The following TOMM6 variants were observed in gnomAD, a reference collection of about 807,000 sequenced individuals.
TOMM6 encodes the protein translocase of outer mitochondrial membrane 6.
Under a neutral mutation model 6.0 loss-of-function variants are expected in TOMM6, and 6 were observed. That is an observed-to-expected ratio of 1.00 (90% CI 0.55 to 1.98). TOMM6 has a LOEUF of 1.98. TOMM6 is among the 30% of genes most tolerant of loss of function. The probability of loss-of-function intolerance (pLI) is 0.00; values close to 1 mark genes in which losing one functional copy is unlikely to be tolerated. For synonymous variants in TOMM6, 44 were observed against 36.3 expected (o/e 1.21, Z -0.76); for missense variants, 104 against 95.3 (o/e 1.09, Z -0.38).
chr6:41,788,135 A>G (rs534595534), intron 1 of TOMM6, among the ~76,000 whole-genome samples: 2 of 84,080 alleles, frequency 2.4e-5, no homozygotes, highest in African/African-American at 4.0e-5. Flanking sequence ...TTGATCTTAC[A>G]TTTCTTTTTT....
Position 41,787,721 on chromosome 6 carries a change from G to T in TOMM6, c.24G>T (p.Val8=). MASSTVP[V]SAAGSANETP... ...CTATGGCTTCCAGCACTGTCCCGGT[G>T]AGCGCTGCTGGCTCGGCTAATGAAA... Residue 8 remains valine, a synonymous_variant, in exon 1 of 3, where the codon GTG becomes GTT. Coordinates refer to ENST00000398881, the MANE Select transcript of TOMM6 (RefSeq NM_001382294.1). The T allele has an allele frequency of 6.4e-7, 1 of 1,551,722 alleles. No homozygotes were observed.
rs543182965 is a variant in TOMM6 at position 41,787,725 on chromosome 6, G to C, written c.28G>C (p.Ala10Pro). The change falls in exon 1 of 3, where the codon GCT (alanine) becomes CCT (proline). Residue 10 changes from alanine to proline, a missense_variant. Transcript: ENST00000398881. ...GGCTTCCAGCACTGTCCCGGTGAGC[G>C]CTGCTGGCTCGGCTAATGAAACTCC... is the stretch of plus-strand genomic sequence containing the variant. MASSTVPVS[A>P]AGSANETPEI... is the part of the protein sequence containing the mutation. 1.9e-6 allele frequency: 3 copies of C among 1,551,572 alleles called. No individual in the cohort carries two copies. Among genetic ancestry groups the C allele is most frequent in the African/African-American group, 1.4e-5 (1 of 73,030 alleles).
In TOMM6 at chr6:41,789,240, T is replaced by C. The variant is rs1772748689; in HGVS notation, c.137T>C (p.Ile46Thr). The change falls in exon 2 of 3, where the codon ATA becomes ACA. Residue 46 changes from isoleucine to threonine, a missense_variant. Ile to Thr is a moderately conservative substitution (Grantham distance 89). Coordinates refer to ENST00000398881, the MANE Select transcript of TOMM6 (RefSeq NM_001382294.1). ...TDRNDFRRNL[I>T]LNLGLFAAGV... ...ACACATTGTTTTTCCAGGAACTTGA[T>C]ACTAAATTTGGGACTCTTTGCTGCG... 1 of 1,550,702 alleles carries C rather than the reference T, an allele frequency of 6.4e-7. No individual in the cohort carries two copies.
chr6:41,788,761 C>T (rs1490430106), intron 1 of TOMM6, among the ~76,000 whole-genome samples: 6 of 145,070 alleles, frequency 4.1e-5, no homozygotes, highest in Non-Finnish European at 7.6e-5. Flanking sequence ...ACATTTATTT[C>T]TTTTTGAGAC....
Position 41,787,756 on chromosome 6 carries a change from T to TC in TOMM6, c.59_60insC (p.Pro21ThrfsTer17), listed in dbSNP as rs1222050183. On this transcript the variant is annotated frameshift_variant, in exon 1 of 3. Transcript: ENST00000398881. LOFTEE classifies it high-confidence loss of function. ...GGCTCGGCTAATGAAACTCCCGAAA[T>TC]ACCGGACAACGTGGGAGATTGGCTT... The TC allele has an allele frequency of 1.9e-6, 3 of 1,551,500 alleles. No individual in the cohort carries two copies. The highest frequency in any genetic ancestry group is 2.7e-5 in the African/African-American group (2 of 73,026).
intron 1 of TOMM6, among the ~76,000 whole-genome samples, chr6:41,788,312 T>C (rs369746606): frequency 1.1e-4 from 15 of 140,630 alleles, no homozygotes; most frequent in African/African-American, 4.0e-4. Context: ...GCCCTGCTAA[T>C]TTTTTGTATT....
In TOMM6 at chr6:41,789,263, G is replaced by T. The variant is rs1276219622; in HGVS notation, c.160G>T (p.Ala54Ser). The T allele has an allele frequency of 1.3e-6, 2 of 1,551,362 alleles. No homozygotes were observed. The highest frequency in any genetic ancestry group is 2.4e-5 in the South Asian group (2 of 84,036). ...GATACTAAATTTGGGACTCTTTGCTGCGGGAGTTTGGCTGGCCAGGAACTT... is the reference window on the plus strand; with the variant it reads ...GATACTAAATTTGGGACTCTTTGCTTCGGGAGTTTGGCTGGCCAGGAACTT... ...NLILNLGLFA[A>S]GVWLARNLSD... is the part of the protein sequence containing the mutation. Residue 54 changes from alanine to serine, a missense_variant, in exon 2 of 3, where the codon GCG becomes TCG. Coordinates refer to ENST00000398881, the MANE Select transcript of TOMM6 (RefSeq NM_001382294.1).
intron 1 of TOMM6, among the ~76,000 whole-genome samples, chr6:41,788,437 C>T (rs1361621709): frequency 7.7e-6 from 1 of 129,976 alleles, no homozygotes; most frequent in Non-Finnish European, 1.6e-5. Flanking sequence ...AGCCACCACG[C>T]CCGGCCTTTT....
intron 1 of TOMM6, among the ~76,000 whole-genome samples, 197 bp downstream of exon 1, chr6:41,788,022 T>C (rs1160967692): frequency 6.6e-6 from 1 of 152,212 alleles, no homozygotes; most frequent in African/African-American, 2.4e-5. Context: ...GATCTTTCTG[T>C]CATGTGGCTG....
chr6:41,788,584 C>T (rs1230611727), intron 1 of TOMM6, among the ~76,000 whole-genome samples: 5 of 149,456 alleles, frequency 3.3e-5, no homozygotes, highest in East Asian at 2.0e-4. Context: ...TCCCCAGTAG[C>T]TGGGATTACA....
chr6:41,788,443 CTTTTTTTTTTTTTT>C (rs70987535), intron 1 of TOMM6, among the ~76,000 whole-genome samples: 3 of 38,294 alleles, frequency 7.8e-5, no homozygotes, highest in African/African-American at 9.7e-5. Flanking sequence ...CACGCCCGGC[CTTTTTTTTTTTTTT>C]TTTTTTTTTT....
Position 41,787,714 on chromosome 6 carries a change from T to TC in TOMM6, c.20dup (p.Val8GlyfsTer8), listed in dbSNP as rs1404434048. On this transcript the variant is annotated frameshift_variant, in exon 1 of 3. Transcript: ENST00000398881. LOFTEE classifies it high-confidence loss of function. The stretch of plus-strand genomic sequence containing the variant: ...CTTTCCACTATGGCTTCCAGCACTG[T>TC]CCCGGTGAGCGCTGCTGGCTCGGCT... 1.9e-6 allele frequency: 3 copies of TC among 1,551,616 alleles called. No individual in the cohort carries two copies. The highest frequency in any genetic ancestry group is 2.6e-6 in the Non-Finnish European group (3 of 1,146,960).
intron 2 of TOMM6, 31 bp downstream of exon 2, chr6:41,789,367 T>G (rs1351454036): frequency 6.8e-7 from 1 of 1,465,254 alleles, no homozygotes; most frequent in Admixed American, 2.0e-5. Context: ...ATGCGTGTCT[T>G]AGGAGACCTA....
In TOMM6 at chr6:41,787,810, G is replaced by C. The variant is rs1447993816; in HGVS notation, c.113G>C (p.Arg38Thr). The part of the protein sequence containing the change: ...LRGVYRFATD[R>T]NDFRRNLILN... ...GGCGTCTACCGCTTTGCCACTGATAGGAATGACTTCCGGAGGTAACCGAGC... is the reference window on the plus strand; with the variant it reads ...GGCGTCTACCGCTTTGCCACTGATACGAATGACTTCCGGAGGTAACCGAGC... The change falls in exon 1 of 3, where the codon AGG becomes ACG. Residue 38 changes from arginine to threonine, a missense_variant. By Grantham distance (71) the Arg-to-Thr change is moderately conservative (BLOSUM62 -1). Transcript: ENST00000398881. 1 of 1,551,772 alleles carries C rather than the reference G, an allele frequency of 6.4e-7. No homozygotes were observed. Among genetic ancestry groups the C allele is most frequent in the Non-Finnish European group, 8.7e-7 (1 of 1,147,004 alleles).
chr6:41,788,832 G>A (rs1772738678), intron 1 of TOMM6, among the ~76,000 whole-genome samples: 1 of 148,378 alleles, frequency 6.7e-6, no homozygotes, highest in African/African-American at 2.5e-5. Flanking sequence ...TGCAGCCTCC[G>A]CCTCCCGGGT....
Position 41,789,220 on chromosome 6 carries a change from T to C in TOMM6, c.129-12T>C. 1 of 1,549,556 alleles carries C rather than the reference T, an allele frequency of 6.5e-7. No homozygotes were observed. Among genetic ancestry groups the C allele is most frequent in the Middle Eastern group, 2.0e-4 (1 of 4,886 alleles). Reference sequence around the variant, plus strand: ...GTGACCACAGGGTTAATAAAACACATTGTTTTTCCAGGAACTTGATACTAA... The same window carrying C: ...GTGACCACAGGGTTAATAAAACACACTGTTTTTCCAGGAACTTGATACTAA... On this transcript the variant is annotated splice_polypyrimidine_tract_variant and intron_variant, in intron 1 of 2. Transcript: ENST00000398881.
At chr6:41,788,235 C>T (rs563051975) in intron 1 of TOMM6, among the ~76,000 whole-genome samples, 2 of 149,982 alleles carry the variant, frequency 1.3e-5, no homozygotes, top group South Asian at 4.2e-4. Context: ...AGCTCCGCCT[C>T]CCGGGTTCAC....
intron 1 of TOMM6, 91 bp downstream of exon 1, chr6:41,787,916 T>C: frequency 6.7e-7 from 1 of 1,502,510 alleles, no homozygotes; most frequent in Non-Finnish European, 8.9e-7. Context: ...GTTTTTTGTT[T>C]TTGTTTTTTA....
intron 1 of TOMM6, 90 bp downstream of exon 1, chr6:41,787,915 T>A: frequency 6.7e-7 from 1 of 1,501,708 alleles, no homozygotes; most frequent in Non-Finnish European, 8.9e-7. Flanking sequence ...GGTTTTTTGT[T>A]TTTGTTTTTT....
Sources: gnomAD v4.1 joint callset for allele counts (sites outside exome capture counted in the v4.1 genomes callset) on GRCh38, gnomAD v4.1.1 for gene constraint, MANE v1.5 for transcripts, NCBI Gene and HGNC (gene_info 2026-07-23, HGNC 2026-07-21) for gene names.